Variants in ERMP1 observed in about 807,000 individuals in gnomAD.
The protein encoded by ERMP1 is Felix-ina.
A neutral mutation model predicts 92.0 loss-of-function variants in ERMP1; 86 were observed. The ratio of observed to expected loss-of-function variants is 0.93; its 90% CI spans 0.79 to 1.12. The LOEUF is 1.12. Among genes scored for constraint, ERMP1 ranks in the 50% most tolerant of loss-of-function variants. The pLI is 0.00. For missense variants in ERMP1, 1,342 were observed against 1,116.3 expected (o/e 1.20, Z -2.88); for synonymous variants, 530 against 412.8 (o/e 1.28, Z -3.44).
chr9:5,866,046 CA>C (rs1406590919), intron 5 of ERMP1, among the ~76,000 whole-genome samples: 3 of 151,852 alleles, frequency 2.0e-5, no homozygotes, highest in Non-Finnish European at 4.4e-5. Context: ...ATTTTTTAAT[CA>C]AATAATTGTG....
At position 5,841,481 on chromosome 9, in the gene ERMP1, T is replaced by C. The variant is rs143303741; in HGVS notation, n.3200-8169A>G. Among the ~76,000 whole-genome samples the C allele has an allele frequency of 1.5e-3, 235 of 152,262 alleles. 1 individual carries two copies. Among genetic ancestry groups the C allele is most frequent in the East Asian group, 6.6e-3 (34 of 5,182 alleles). ...AATGGAATCAACTGCTTAAAAGGTA[T>C]GGGGTTTCCTTTCTGGGTGAAGAAA... On this transcript the variant is annotated intron_variant and non_coding_transcript_variant, in intron 6 of 6. Coordinates refer to the ERMP1 transcript ENST00000690753.
At chr9:5,833,399 A>G (rs115474729), upstream of ERMP1, among the ~76,000 whole-genome samples, 454 of 152,342 alleles carry the variant, frequency 3.0e-3, 2 homozygotes, top group African/African-American at 0.011. Context: ...TGAAAAAAGC[A>G]ATGACCTGGC....
At chr9:5,799,305 G>A (rs1279994569) in intron 11 of ERMP1, among the ~76,000 whole-genome samples, 1 of 152,096 alleles carries the variant, frequency 6.6e-6, no homozygotes. Flanking sequence ...TTTAGATAAG[G>A]ATTTAAAACA....
At chr9:5,813,090 T>TTAG in intron 4 of ERMP1, 55 bp from the exon 5 acceptor site, 1 of 1,586,230 alleles carries the variant, frequency 6.3e-7, no homozygotes, top group Non-Finnish European at 8.6e-7. Context: ...TTTTTTAACA[T>TTAG]ACTAATGTTT....
At chr9:5,798,582 C>T (rs1407153711) in intron 12 of ERMP1, among the ~76,000 whole-genome samples, 1 of 151,346 alleles carries the variant, frequency 6.6e-6, no homozygotes, top group Non-Finnish European at 1.5e-5. Flanking sequence ...TCTAACCACT[C>T]AGGTTTCTAG....
At chr9:5,833,300 A>G (rs1830032976), upstream of ERMP1, among the ~76,000 whole-genome samples, 1 of 152,210 alleles carries the variant, frequency 6.6e-6, no homozygotes. Context: ...GAGATTGCCA[A>G]ATGTAAAGAC....
At chr9:5,862,452 C>T (rs1435574793) in intron 5 of ERMP1, among the ~76,000 whole-genome samples, 1 of 152,146 alleles carries the variant, frequency 6.6e-6, no homozygotes, top group African/African-American at 2.4e-5. Flanking sequence ...CTCACCTCAG[C>T]CTCCCAAGTA....
At chr9:5,809,540 CTT>C (rs1000054927) in intron 8 of ERMP1, among the ~76,000 whole-genome samples, 3 of 152,138 alleles carry the variant, frequency 2.0e-5, no homozygotes, top group Non-Finnish European at 4.4e-5. Flanking sequence ...ACTGAAAAAA[CTT>C]TAAGTACAAC....
At chr9:5,808,065 T>C (rs1828937063) in intron 8 of ERMP1, among the ~76,000 whole-genome samples, 1 of 152,166 alleles carries the variant, frequency 6.6e-6, no homozygotes. Context: ...CCTCAAGCAG[T>C]CTTCCTGCCT....
At chr9:5,831,365 G>C (rs1017297869) in intron 1 of ERMP1, among the ~76,000 whole-genome samples, 1 of 152,160 alleles carries the variant, frequency 6.6e-6, no homozygotes, top group African/African-American at 2.4e-5. Flanking sequence ...CAGGACTTTC[G>C]GAGGCTGAGG....
intron 13 of ERMP1, chr9:5,791,329 G>A (rs1258946782): frequency 4.4e-6 from 2 of 455,830 alleles, no homozygotes; most frequent in African/African-American, 4.0e-5. Context: ...TCTGCTAGCA[G>A]AATTCCCCAT....
intron 6 of ERMP1, among the ~76,000 whole-genome samples, chr9:5,840,112 C>T (rs952850496): frequency 6.6e-6 from 1 of 152,144 alleles, no homozygotes; most frequent in African/African-American, 2.4e-5. Flanking sequence ...CGTGGTGGCG[C>T]AGGCCTGTAA....
At chr9:5,818,199 G>C (rs1051311766) in intron 4 of ERMP1, among the ~76,000 whole-genome samples, 1 of 151,612 alleles carries the variant, frequency 6.6e-6, no homozygotes, top group Non-Finnish European at 1.5e-5. Context: ...TATGACTACA[G>C]ACCATTCTTT....
chr9:5,809,643 C>T (rs1050041786), intron 8 of ERMP1, among the ~76,000 whole-genome samples: 2 of 152,154 alleles, frequency 1.3e-5, no homozygotes, highest in Non-Finnish European at 2.9e-5. Flanking sequence ...ATAAAACAAT[C>T]CCTATCCTCA....
At chr9:5,795,023 C>T (rs538256729) in intron 13 of ERMP1, among the ~76,000 whole-genome samples, 38 of 152,204 alleles carry the variant, frequency 2.5e-4, no homozygotes, top group African/African-American at 8.4e-4. Flanking sequence ...ATCAAATCAA[C>T]GATGCATAAA....
chr9:5,849,274 G>T (rs367863156), intron 6 of ERMP1, among the ~76,000 whole-genome samples: 2 of 152,296 alleles, frequency 1.3e-5, no homozygotes, highest in African/African-American at 4.8e-5. Flanking sequence ...GCCCAACTTG[G>T]CCTCCCAAAA....
chr9:5,799,949 G>T (rs1032318500), intron 11 of ERMP1, among the ~76,000 whole-genome samples: 5 of 152,008 alleles, frequency 3.3e-5, no homozygotes, highest in African/African-American at 4.8e-5. Flanking sequence ...ATTTATCACA[G>T]TGTCCTTCAG....
intron 4 of ERMP1, among the ~76,000 whole-genome samples, chr9:5,813,314 G>A (rs1303161853): frequency 6.6e-6 from 1 of 152,066 alleles, no homozygotes; most frequent in African/African-American, 2.4e-5. Context: ...ATCCTAAAAT[G>A]CCTATTATCA....
intron 8 of ERMP1, among the ~76,000 whole-genome samples, chr9:5,806,709 G>C (rs1288772824): frequency 6.6e-6 from 1 of 152,020 alleles, no homozygotes; most frequent in Non-Finnish European, 1.5e-5. Context: ...CAAAGCACTG[G>C]GATTACAGGT....
Sources: allele counts gnomAD v4.1 joint callset (sites outside exome capture counted in the v4.1 genomes callset), GRCh38; gene constraint gnomAD v4.1.1; transcripts MANE v1.5; gene names NCBI Gene and HGNC (gene_info 2026-07-23, HGNC 2026-07-21).